The following MEIOB variants were observed in gnomAD, a reference collection of about 807,000 sequenced individuals.
MEIOB encodes meiosis-specific with OB domain-containing protein.
A neutral mutation model predicts 53.1 loss-of-function variants in MEIOB; 50 were observed. That is an observed-to-expected ratio of 0.94 (90% CI 0.75 to 1.19). The LOEUF (loss-of-function observed/expected upper bound fraction) is 1.19, where lower values mean the gene tolerates loss of function less well. MEIOB is among the 50% of genes most tolerant of loss of function. The pLI is 0.00. For missense variants in MEIOB, 551 were observed against 550.8 expected, an observed-to-expected ratio of 1.00 and a Z score of 0.00; for synonymous variants, 192 against 182.5, an observed-to-expected ratio of 1.05 and a Z score of -0.42.
At position 1,872,124 on chromosome 16, in the gene MEIOB, G is replaced by T. The variant is rs1003130863; in HGVS notation, c.-141C>A. 6.6e-6 allele frequency: 1 copy of T among 151,860 alleles called. No individual in the cohort carries two copies. The highest frequency in any genetic ancestry group is 1.5e-5 in the Non-Finnish European group (1 of 68,004). 9.4% of individuals were successfully genotyped at this position (151,860 alleles called of 1,614,324 possible). ...CACAGGACGCTCGGGCCACAGCCTC[G>T]TGCAGGTGCGACGGCCGCGCGACCG... On this transcript the variant is annotated 5_prime_UTR_variant, in exon 1 of 14. Coordinates refer to ENST00000325962, the MANE Select transcript of MEIOB (RefSeq NM_001163560.3).
chr16:1,838,046 G>T, intron 12 of MEIOB, 176 bp from the exon 13 acceptor site: 1 of 1,227,688 alleles, frequency 8.1e-7, no homozygotes, highest in South Asian at 1.6e-5. Context: ...GCCCAAGCTG[G>T]AGTGCAGCAG....
chr16:1,869,088 T>C (rs1008292599), intron 1 of MEIOB, among the ~76,000 whole-genome samples: 12 of 152,274 alleles, frequency 7.9e-5, no homozygotes, highest in African/African-American at 2.9e-4. Context: ...GAGCACCATG[T>C]AAATTTAGTT....
chr16:1,834,448 G>A (rs540350562), intron 13 of MEIOB, 82 bp from the exon 14 acceptor site: 17 of 734,212 alleles, frequency 2.3e-5, no homozygotes, highest in African/African-American at 1.2e-4. Flanking sequence ...CAATGATCAC[G>A]AATAGAGAAC....
intron 6 of MEIOB, among the ~76,000 whole-genome samples, chr16:1,856,679 C>G (rs1252925176): frequency 6.6e-6 from 1 of 151,150 alleles, no homozygotes; most frequent in Non-Finnish European, 1.5e-5. Context: ...CCAGGCTGGT[C>G]TCGAACTCCT....
At chr16:1,859,543 T>C (rs561430713) in intron 5 of MEIOB, among the ~76,000 whole-genome samples, 21 of 151,652 alleles carry the variant, frequency 1.4e-4, no homozygotes, top group Non-Finnish European at 2.4e-4. Context: ...TCTGTCTCAG[T>C]AAAAAATAAA....
At chr16:1,839,462 T>TA in intron 11 of MEIOB, 24 bp from the exon 12 acceptor site, 1 of 1,582,518 alleles carries the variant, frequency 6.3e-7, no homozygotes, top group East Asian at 2.2e-5. Context: ...AAGACAATGA[T>TA]AAAATGTGAT....
intron 5 of MEIOB, among the ~76,000 whole-genome samples, chr16:1,858,557 A>G (rs1419107172): frequency 1.3e-5 from 2 of 152,112 alleles, no homozygotes; most frequent in African/African-American, 4.8e-5. Flanking sequence ...TCATTCCCCT[A>G]CAGTCCATCC....
intron 12 of MEIOB, among the ~76,000 whole-genome samples, chr16:1,838,828 AT>A (rs1292863412): frequency 6.6e-6 from 1 of 152,068 alleles, no homozygotes; most frequent in East Asian, 1.9e-4. Context: ...AGTAGCTAGG[AT>A]TACAAGTGCA....
chr16:1,851,481 G>T (rs1240544779), intron 9 of MEIOB, among the ~76,000 whole-genome samples: 1 of 152,120 alleles, frequency 6.6e-6, no homozygotes, highest in Non-Finnish European at 1.5e-5. Flanking sequence ...CTGCTGGAGG[G>T]TAAACTCCAT....
chr16:1,858,611 T>C (rs964185337), intron 5 of MEIOB, among the ~76,000 whole-genome samples: 1 of 152,178 alleles, frequency 6.6e-6, no homozygotes, highest in African/African-American at 2.4e-5. Flanking sequence ...TATGAAAATA[T>C]TATTTCCCAG....
rs376546505 is a variant in MEIOB, at chr16:1,862,083, G to A, written c.161C>T (p.Thr54Ile). 51 of 1,551,128 alleles carry A rather than the reference G, an allele frequency of 3.3e-5. No individual in the cohort carries two copies. In the African/African-American group the frequency reaches 5.8e-4, roughly 17 times the overall value. The part of the protein sequence containing the change: ...IGSERYTFSF[T>I]IRDSPAHFVN... ...AAAATGTGCTGGTGAATCCCGAATG[G>A]TGAAGCTGAAAGTGTACCTTTCTGA... is the stretch of plus-strand genomic sequence containing the variant. Residue 54 changes from threonine to isoleucine, a missense_variant, in exon 4 of 14, where the codon ACC becomes ATC. Transcript: ENST00000325962.
chr16:1,847,656 A>G (rs944860830), intron 9 of MEIOB, among the ~76,000 whole-genome samples: 9 of 151,944 alleles, frequency 5.9e-5, no homozygotes, highest in African/African-American at 2.2e-4. Flanking sequence ...AGAGAGAAAG[A>G]AGGAACTACT....
At chr16:1,847,394 G>A (rs151248177) in intron 9 of MEIOB, among the ~76,000 whole-genome samples, 6 of 150,150 alleles carry the variant, frequency 4.0e-5, no homozygotes, top group Admixed American at 2.0e-4. Context: ...CCCTGGAGGC[G>A]GAGGTTGCAG....
chr16:1,842,064 A>G (rs1159529239), intron 10 of MEIOB, 91 bp from the exon 11 acceptor site: 41 of 862,114 alleles, frequency 4.8e-5, no homozygotes, highest in Non-Finnish European at 6.3e-5. Flanking sequence ...AAATGAGAAC[A>G]TGCAGTAGCT....
At chr16:1,847,409 C>G (rs1899053043) in intron 9 of MEIOB, among the ~76,000 whole-genome samples, 2 of 151,952 alleles carry the variant, frequency 1.3e-5, no homozygotes, top group Admixed American at 1.3e-4. Context: ...TTGCAGTGAG[C>G]TGAGCACATG....
intron 9 of MEIOB, among the ~76,000 whole-genome samples, chr16:1,852,318 A>C (rs2142088434): frequency 8.2e-6 from 1 of 122,650 alleles, no homozygotes; most frequent in East Asian, 2.6e-4. Flanking sequence ...GCTGGAGCGC[A>C]GTGGTGCAAT....
intron 11 of MEIOB, among the ~76,000 whole-genome samples, chr16:1,841,449 A>T (rs1383205132): frequency 6.6e-6 from 1 of 152,162 alleles, no homozygotes; most frequent in African/African-American, 2.4e-5. Context: ...TGAGTAGCTG[A>T]GACTACAGGC....
intron 1 of MEIOB, among the ~76,000 whole-genome samples, chr16:1,868,389 T>C (rs990854551): frequency 2.6e-5 from 4 of 152,010 alleles, no homozygotes; most frequent in Non-Finnish European, 5.9e-5. Context: ...AAACCTCACG[T>C]GGTAGCGGGC....
intron 9 of MEIOB, among the ~76,000 whole-genome samples, chr16:1,848,235 A>G (rs965687296): frequency 5.3e-5 from 8 of 152,168 alleles, no homozygotes; most frequent in Non-Finnish European, 1.0e-4. Flanking sequence ...TACTGATATT[A>G]AACACATTAA....
Sources: gnomAD v4.1 joint callset for allele counts (sites outside exome capture counted in the v4.1 genomes callset) on GRCh38, gnomAD v4.1.1 for gene constraint, MANE v1.5 for transcripts, NCBI Gene and HGNC (gene_info 2026-07-23, HGNC 2026-07-21) for gene names.